The following DENND11 variants were observed in gnomAD, a reference collection of about 807,000 sequenced individuals.
DENND11 encodes DENN domain-containing protein 11.
In DENND11, 34 loss-of-function variants were observed where a neutral mutation model predicts 49.2. That is an observed-to-expected ratio of 0.69 (90% CI 0.53 to 0.92). The LOEUF (loss-of-function observed/expected upper bound fraction) is 0.92, where lower values mean the gene tolerates loss of function less well. Ranked by LOEUF, DENND11 falls within the 40% of genes least tolerant of loss-of-function variation. The pLI, the probability that DENND11 is intolerant of heterozygous loss-of-function variation, is 0.00. For missense variants in DENND11, 475 were observed against 581.6 expected, an observed-to-expected ratio of 0.82 and a Z score of 1.88; for synonymous variants, 238 against 230.3, an observed-to-expected ratio of 1.03 and a Z score of -0.30.
intron 5 of DENND11, 93 bp from the exon 6 acceptor site, chr7:141,665,411 A>G: frequency 6.6e-7 from 1 of 1,508,072 alleles, no homozygotes; most frequent in Non-Finnish European, 9.0e-7. Context: ...GCTCCAGGCT[A>G]TCTGGTGCTT....
At position 141,657,590 on chromosome 7, in the gene DENND11, AATTT is replaced by A. The variant is rs1404801526; in HGVS notation, c.*5062_*5065del. The A allele has an allele frequency of 6.6e-6, 1 of 152,414 alleles. No homozygotes were observed. The highest frequency in any genetic ancestry group is 1.9e-4 in the East Asian group (1 of 5,196). 9.4% of individuals were successfully genotyped at this position (152,414 alleles called of 1,614,324 possible). A position where few individuals can be genotyped will look rare whatever the true frequency, so the allele number is the denominator to read the frequency against. On this transcript the variant is annotated 3_prime_UTR_variant, in exon 9 of 9. Coordinates refer to ENST00000536163, the MANE Select transcript of DENND11 (RefSeq NM_001080392.2). ...CTGACTGGCCTTAGAAAGCAAAGTA[AATTT>A]ATTGTTAGTCTAAATAAGCATTCTA...
Position 141,702,010 on chromosome 7 carries a change from C to G in DENND11, c.144G>C (p.Arg48=), listed in dbSNP as rs1465311943. The change falls in exon 1 of 9, where the codon CGG becomes CGC. Residue 48 remains arginine, a synonymous_variant. Transcript: ENST00000536163. Reference sequence around the variant, plus strand: ...CGGCCGGCTCCTCGGGCTCCCGCCTCCGGGGCGGCTCCGCGGCCGGCCGGG... The same window carrying G: ...CGGCCGGCTCCTCGGGCTCCCGCCTGCGGGGCGGCTCCGCGGCCGGCCGGG... ...GGARPAAEPP[R]RREPEEPAAP... 37 of 1,113,320 alleles carry G rather than the reference C, an allele frequency of 3.3e-5. No individual in the cohort carries two copies. Among genetic ancestry groups the G allele is most frequent in the Middle Eastern group, 3.8e-4 (1 of 2,618 alleles). 69.0% of individuals were successfully genotyped at this position (1,113,320 alleles called of 1,614,324 possible).
chr7:141,669,352 A>G (rs887097198), intron 4 of DENND11, among the ~76,000 whole-genome samples: 1 of 151,444 alleles, frequency 6.6e-6, no homozygotes, highest in East Asian at 2.0e-4. Context: ...GGTTCATGCA[A>G]TTATCCTGCC....
At position 141,662,588 on chromosome 7, in the gene DENND11, G is replaced by A. The variant is rs867312406; in HGVS notation, c.*68C>T. The A allele has an allele frequency of 2.5e-6, 3 of 1,188,668 alleles. No individual in the cohort carries two copies. The African/African-American group carries it at 4.7e-5, about 19-fold the overall frequency. The allele number at this position is 1,188,668 out of a possible 1,614,324, so 73.6% of individuals were successfully genotyped here. A position where few individuals can be genotyped will look rare whatever the true frequency, so the allele number is the denominator to read the frequency against. ...ACTTAATAAAAAATGAGGCCCTCTGGGGCCCTGGGGTGAACTCCGGGCTGC... is the reference window on the plus strand; with the variant it reads ...ACTTAATAAAAAATGAGGCCCTCTGAGGCCCTGGGGTGAACTCCGGGCTGC... On this transcript the variant is annotated 3_prime_UTR_variant, in exon 9 of 9. Transcript: ENST00000536163.
At chr7:141,682,505 T>C (rs777600888) in intron 3 of DENND11, among the ~76,000 whole-genome samples, 7 of 152,248 alleles carry the variant, frequency 4.6e-5, no homozygotes, top group Admixed American at 2.6e-4. Context: ...AAGTGAGATA[T>C]GTAAATTCTA....
At chr7:141,692,458 C>T (rs1798341664) in intron 1 of DENND11, among the ~76,000 whole-genome samples, 1 of 152,022 alleles carries the variant, frequency 6.6e-6, no homozygotes, top group African/African-American at 2.4e-5. Context: ...GAATAGAGAG[C>T]CTTGAAACAG....
chr7:141,669,976 A>T (rs1284392483), intron 4 of DENND11, among the ~76,000 whole-genome samples: 1 of 150,598 alleles, frequency 6.6e-6, no homozygotes, highest in African/African-American at 2.5e-5. Flanking sequence ...TCGCCCGGCT[A>T]ATTTTTTGTA....
At chr7:141,694,374 T>C (rs2117081379) in intron 1 of DENND11, among the ~76,000 whole-genome samples, 1 of 152,110 alleles carries the variant, frequency 6.6e-6, no homozygotes, top group South Asian at 2.1e-4. Flanking sequence ...GATCCGCCCA[T>C]CTCAACCTCC....
intron 1 of DENND11, among the ~76,000 whole-genome samples, chr7:141,689,841 T>C (rs1016994571): frequency 6.6e-6 from 1 of 152,248 alleles, no homozygotes; most frequent in Admixed American, 6.5e-5. Flanking sequence ...CATGCTGATA[T>C]GTGTAGCAAC....
At chr7:141,701,760 C>A in intron 1 of DENND11, 126 bp downstream of exon 1, 1 of 814,118 alleles carries the variant, frequency 1.2e-6, no homozygotes, top group Non-Finnish European at 1.6e-6. Flanking sequence ...GAGCCCGGGG[C>A]CGGCCCTGGT....
At chr7:141,664,102 G>A (rs1797847566) in intron 8 of DENND11, 70 bp downstream of exon 8, 1 of 1,237,632 alleles carries the variant, frequency 8.1e-7, no homozygotes. Flanking sequence ...AATGACATGG[G>A]AGGGATGCAG....
chr7:141,689,348 G>A (rs888032795), intron 1 of DENND11, among the ~76,000 whole-genome samples: 8 of 152,102 alleles, frequency 5.3e-5, no homozygotes, highest in Non-Finnish European at 8.8e-5. Context: ...AAACTAACAT[G>A]GGAACAGAAA....
intron 3 of DENND11, 120 bp downstream of exon 3, chr7:141,685,358 G>T: frequency 8.0e-7 from 1 of 1,255,032 alleles, no homozygotes. Flanking sequence ...ACATCGCCAT[G>T]GATGTTCTTG....
intron 1 of DENND11, among the ~76,000 whole-genome samples, chr7:141,688,497 T>C (rs1454650392): frequency 6.6e-6 from 1 of 152,126 alleles, no homozygotes; most frequent in Admixed American, 6.5e-5. Context: ...GTCAATTCAC[T>C]AAAGTGAAAA....
chr7:141,677,410 T>G (rs1374301357), intron 3 of DENND11, among the ~76,000 whole-genome samples: 1 of 131,402 alleles, frequency 7.6e-6, no homozygotes, highest in Admixed American at 9.1e-5. Flanking sequence ...AAAATATATA[T>G]ATATATATAT....
At position 141,665,338 on chromosome 7, in the gene DENND11, G is replaced by T; in HGVS notation, c.821-20C>A. On this transcript the variant is annotated intron_variant, in intron 5 of 8. Coordinates refer to ENST00000536163, the MANE Select transcript of DENND11 (RefSeq NM_001080392.2). Reference sequence around the variant, plus strand: ...AGTACACTGTGGGGATAGAGGAGGTGAGCGGGGAGGGTCTGCCCCTCCACA... The same window carrying T: ...AGTACACTGTGGGGATAGAGGAGGTTAGCGGGGAGGGTCTGCCCCTCCACA... 1 of 1,613,482 alleles carries T rather than the reference G, an allele frequency of 6.2e-7. No homozygotes were observed. Among genetic ancestry groups the T allele is most frequent in the Non-Finnish European group, 8.5e-7 (1 of 1,179,762 alleles).
intron 4 of DENND11, among the ~76,000 whole-genome samples, chr7:141,673,364 C>T (rs1798012596): frequency 6.6e-6 from 1 of 152,212 alleles, no homozygotes; most frequent in South Asian, 2.1e-4. Context: ...GACCATGGTT[C>T]TCACTGCTGC....
rs1486571169 is a variant in DENND11, at chr7:141,660,945, CTTAT to C, written c.*1707_*1710del. On this transcript the variant is annotated 3_prime_UTR_variant, in exon 9 of 9. Transcript: ENST00000536163. Reference sequence around the variant, plus strand: ...TACAGTTTACATTTCAATGCCCAAACTTATTTATATATTTACATAAAGATGCTAC... The same window carrying C: ...TACAGTTTACATTTCAATGCCCAAACTTATATATTTACATAAAGATGCTAC... 2 of 152,522 alleles carry C rather than the reference CTTAT, an allele frequency of 1.3e-5. No homozygotes were observed. The highest frequency in any genetic ancestry group is 2.9e-5 in the Non-Finnish European group (2 of 68,038). The allele number at this position is 152,522 out of a possible 1,614,324, so 9.4% of individuals were successfully genotyped here.
In DENND11 at chr7:141,662,604, T is replaced by C. The variant is rs1000546696; in HGVS notation, c.*52A>G. On this transcript the variant is annotated 3_prime_UTR_variant, in exon 9 of 9. Transcript: ENST00000536163. Reference sequence around the variant, plus strand: ...GGCCCTCTGGGGCCCTGGGGTGAACTCCGGGCTGCTGACATCCCACGTGAA... The same window carrying C: ...GGCCCTCTGGGGCCCTGGGGTGAACCCCGGGCTGCTGACATCCCACGTGAA... 17 of 1,395,144 alleles carry C rather than the reference T, an allele frequency of 1.2e-5. No homozygotes were observed. The highest frequency in any genetic ancestry group is 1.6e-5 in the Non-Finnish European group (17 of 1,045,610). The allele number at this position is 1,395,144 out of a possible 1,614,324, so 86.4% of individuals were successfully genotyped here.
Sources: gnomAD v4.1 joint callset for allele counts (sites outside exome capture counted in the v4.1 genomes callset) on GRCh38, gnomAD v4.1.1 for gene constraint, MANE v1.5 for transcripts, NCBI Gene and HGNC (gene_info 2026-07-23, HGNC 2026-07-21) for gene names.